Variants in CD163L1 observed in about 807,000 individuals in gnomAD.
CD163L1 encodes the protein CD163 molecule like 1.
A neutral mutation model predicts 165.4 loss-of-function variants in CD163L1; 124 were observed. That is an observed-to-expected ratio of 0.75 (90% CI 0.65 to 0.87). The LOEUF (loss-of-function observed/expected upper bound fraction) is 0.87. Among genes scored for constraint, CD163L1 ranks in the 40% least tolerant of loss-of-function variants. The pLI is 0.00. For synonymous variants in CD163L1, 585 were observed against 662.2 expected (o/e 0.88, Z 1.79); for missense variants, 1,525 against 1,799.9 (o/e 0.85, Z 2.76).
intron 8 of CD163L1, among the ~76,000 whole-genome samples, chr12:7,390,093 T>C (rs1947618769): frequency 6.6e-6 from 1 of 151,270 alleles, no homozygotes; most frequent in Admixed American, 6.6e-5. Context: ...AAGCCAGGCA[T>C]GGAAAGACAA....
chr12:7,399,770 A>AT (rs1232365538), intron 6 of CD163L1, among the ~76,000 whole-genome samples: 2 of 151,730 alleles, frequency 1.3e-5, no homozygotes, highest in Non-Finnish European at 2.9e-5. Flanking sequence ...ACAGCCAGCT[A>AT]TTTTTTGTAT....
rs1348308236 is a variant in CD163L1, at chr12:7,375,747, G to A, written c.2639C>T (p.Pro880Leu). The change falls in exon 10 of 20, where the codon CCG becomes CTG. Residue 880 changes from proline to leucine, a missense_variant. Physicochemically the swap from Pro to Leu is moderately conservative, Grantham distance 98. Coordinates refer to ENST00000313599, the MANE Select transcript of CD163L1 (RefSeq NM_174941.6). ...TCTGCTGTGGATACAAGTGTCTTCC[G>A]GATGTTGAACAATGGGGCATAATGC... ...HLALCPIVQH[P>L]EDTCIHSREV... 6 of 1,614,032 alleles carry A rather than the reference G, an allele frequency of 3.7e-6. No individual in the cohort carries two copies. The highest frequency in any genetic ancestry group is 1.3e-5 in the African/African-American group (1 of 74,910).
chr12:7,368,128 G>A lies in CD163L1; in HGVS notation c.4142C>T (p.Thr1381Met), dbSNP rs146578544. The part of the protein sequence containing the change: ...LLLVLFILFL[T>M]WCRVQKQKHL... ...TTTTTGTTTCTGAACTCGGCACCACGTGAGAAATAGAATAAACAGAACCAG... is the reference window on the plus strand; with the variant it reads ...TTTTTGTTTCTGAACTCGGCACCACATGAGAAATAGAATAAACAGAACCAG... The change falls in exon 17 of 20, where the codon ACG (threonine) becomes ATG (methionine). Residue 1381 changes from threonine to methionine, a missense_variant. By Grantham distance (81) the Thr-to-Met change is moderately conservative. Transcript: ENST00000313599. This position sits in a 1 kb window ranked among gnomAD's most constrained non-coding sequence, Gnocchi z 4.3. The A allele has an allele frequency of 1.4e-4, 232 of 1,612,438 alleles. No homozygotes were observed. The highest frequency in any genetic ancestry group is 1.8e-4 in the Non-Finnish European group (216 of 1,178,600).
chr12:7,363,513 C>G (rs1378361822), intron 18 of CD163L1, among the ~76,000 whole-genome samples: 2 of 151,572 alleles, frequency 1.3e-5, no homozygotes, highest in Admixed American at 1.3e-4. Flanking sequence ...GAAAGATAAA[C>G]CAAATTGATA....
intron 2 of CD163L1, among the ~76,000 whole-genome samples, chr12:7,434,562 T>C (rs1948689159): frequency 6.6e-6 from 1 of 152,052 alleles, no homozygotes; most frequent in African/African-American, 2.4e-5. Context: ...CGTGAAACTT[T>C]ATGGTGAATT....
Position 7,398,564 on chromosome 12 carries a change from T to G in CD163L1, c.1429A>C (p.Arg477=), listed in dbSNP as rs777514731. 12 of 1,591,256 alleles carry G rather than the reference T, an allele frequency of 7.5e-6. No homozygotes were observed. The highest frequency in any genetic ancestry group is 9.4e-6 in the Non-Finnish European group (11 of 1,169,646). The change falls in exon 7 of 20, where the codon AGG becomes CGG. Residue 477 remains arginine (R), a synonymous_variant. Transcript: ENST00000313599. The surrounding 1 kb of genome is among the most constrained non-coding windows in gnomAD (Gnocchi z 4.5). ...ICSDKADLDL[R]LVGAHSPCYG... ...CAGGGGCTATGAGCCCCGACAAGCC[T>G]TAGGTCCAGATCTGCCTTATCTGCA...
the CD163L1 span, among the ~76,000 whole-genome samples, chr12:7,330,463 G>A: frequency 1.3e-5 from 2 of 152,288 alleles, no homozygotes; most frequent in Middle Eastern, 3.4e-3. Context: ...AACAGTCCTT[G>A]AAAAAGCTTT....
chr12:7,367,507 T>C lies in CD163L1; in HGVS notation c.4184-176A>G, dbSNP rs1451700835. The C allele has an allele frequency of 8.5e-6, 4 of 471,896 alleles. No homozygotes were observed. In the East Asian group the frequency reaches 1.3e-4, roughly 15 times the overall value. The allele number at this position is 471,896 out of a possible 1,614,324, so 29.2% of individuals were successfully genotyped here. A position where few individuals can be genotyped will look rare whatever the true frequency, so the allele number is the denominator to read the frequency against. ...ACATTTTTAAAATTTATCCTCCTTTTTCTCCCTTGATATTCTTCCACTTTT... is the reference window on the plus strand; with the variant it reads ...ACATTTTTAAAATTTATCCTCCTTTCTCTCCCTTGATATTCTTCCACTTTT... On this transcript the variant is annotated intron_variant, in intron 17 of 19. Transcript: ENST00000313599.
chr12:7,379,394 A>G, intron 8 of CD163L1, 96 bp from the exon 9 acceptor site: 1 of 1,234,798 alleles, frequency 8.1e-7, no homozygotes, highest in Non-Finnish European at 1.1e-6. Context: ...ACCAGTGGCC[A>G]AAAGTTGAGA....
chr12:7,378,144 A>G (rs1231057145), intron 9 of CD163L1, among the ~76,000 whole-genome samples: 1 of 152,218 alleles, frequency 6.6e-6, no homozygotes, highest in Non-Finnish European at 1.5e-5. Context: ...TGCTTAGTCT[A>G]GAAACCTTTA....
At chr12:7,413,088 T>A (rs1948170025) in intron 4 of CD163L1, among the ~76,000 whole-genome samples, 1 of 87,336 alleles carries the variant, frequency 1.1e-5, no homozygotes, top group African/African-American at 6.7e-5. Flanking sequence ...TGAGACTCCA[T>A]CTCAAAAAAA....
chr12:7,434,789 A>C (rs1424340506), intron 2 of CD163L1, among the ~76,000 whole-genome samples: 1 of 152,176 alleles, frequency 6.6e-6, no homozygotes, highest in Non-Finnish European at 1.5e-5. Flanking sequence ...GAGTTTCAGT[A>C]CACAATGGCT....
intron 4 of CD163L1, among the ~76,000 whole-genome samples, chr12:7,348,639 A>G (rs1413130358): frequency 1.3e-5 from 2 of 152,188 alleles, no homozygotes; most frequent in Non-Finnish European, 2.9e-5. Flanking sequence ...ACTGAAAAAA[A>G]ATGAGAATCT....
At chr12:7,375,147 A>T (rs1947237010) in intron 11 of CD163L1, 134 bp downstream of exon 11, 1 of 895,836 alleles carries the variant, frequency 1.1e-6, no homozygotes, top group Non-Finnish European at 1.7e-6. Flanking sequence ...CTTACATGTT[A>T]CTCTTTGACT....
chr12:7,397,162 T>G (rs1448101181), intron 7 of CD163L1, among the ~76,000 whole-genome samples: 1 of 152,186 alleles, frequency 6.6e-6, no homozygotes, highest in Non-Finnish European at 1.5e-5. Flanking sequence ...ATACTTACAG[T>G]AGGCAAAGTT....
chr12:7,340,785 A>G, the CD163L1 span, among the ~76,000 whole-genome samples: 1 of 152,188 alleles, frequency 6.6e-6, no homozygotes, highest in East Asian at 1.9e-4. Flanking sequence ...CTTGTAAATG[A>G]CCAAGAGCAT....
intron 4 of CD163L1, among the ~76,000 whole-genome samples, chr12:7,425,570 G>T (rs1319959087): frequency 1.3e-5 from 2 of 152,122 alleles, no homozygotes; most frequent in African/African-American, 4.8e-5. Flanking sequence ...GAAAATTTTT[G>T]CAGTCTGTCC....
At chr12:7,417,889 T>G (rs1415597743) in intron 4 of CD163L1, among the ~76,000 whole-genome samples, 1 of 151,910 alleles carries the variant, frequency 6.6e-6, no homozygotes, top group Non-Finnish European at 1.5e-5. Flanking sequence ...TTATTGTGTC[T>G]CAAAACAGTG....
the CD163L1 span, chr12:7,323,708 C>T: frequency 2.8e-6 from 2 of 710,734 alleles, no homozygotes; most frequent in Non-Finnish European, 4.6e-6. Flanking sequence ...CCCAAGAGTA[C>T]TGTAAAGATG....
Sources: gnomAD v4.1 joint callset for allele counts (sites outside exome capture counted in the v4.1 genomes callset) on GRCh38, gnomAD v4.1.1 for gene constraint, Gnocchi (gnomAD v3.1) non-coding constraint, MANE v1.5 for transcripts, NCBI Gene and HGNC (gene_info 2026-07-23, HGNC 2026-07-21) for gene names.